Variants in GLDC observed in about 807,000 individuals in gnomAD.
GLDC encodes the protein glycine decarboxylase, also known as glycine dehydrogenase (decarboxylating), mitochondrial.
In GLDC, 104 loss-of-function variants were observed where a neutral mutation model predicts 121.3. The observed-to-expected ratio is 0.86, with a 90% CI of 0.73 to 1.01. The LOEUF (loss-of-function observed/expected upper bound fraction) is 1.01, where lower values mean the gene tolerates loss of function less well. GLDC is among the 50% of genes least tolerant of loss of function. The pLI, the probability that GLDC is intolerant of heterozygous loss-of-function variation, is 0.00. For missense variants in GLDC, 1,429 were observed against 1,306.6 expected, an observed-to-expected ratio of 1.09 and a Z score of -1.44; for synonymous variants, 546 against 480.6, an observed-to-expected ratio of 1.14 and a Z score of -1.78.
At chr9:6,564,220 C>T (rs1817811575) in intron 16 of GLDC, among the ~76,000 whole-genome samples, 2 of 151,370 alleles carry the variant, frequency 1.3e-5, no homozygotes, top group South Asian at 4.2e-4. Flanking sequence ...TGCACTCCAG[C>T]CTGGGGAACA....
chr9:6,613,611 G>C (rs1818905831), intron 3 of GLDC, among the ~76,000 whole-genome samples: 1 of 152,062 alleles, frequency 6.6e-6, no homozygotes, highest in Non-Finnish European at 1.5e-5. Context: ...AATTATTTAA[G>C]TTATAATTTC....
At chr9:6,566,262 A>G (rs1817852723) in intron 15 of GLDC, among the ~76,000 whole-genome samples, 1 of 152,118 alleles carries the variant, frequency 6.6e-6, no homozygotes, top group South Asian at 2.1e-4. Flanking sequence ...ATAAATAACT[A>G]CAAACACAAT....
chr9:6,597,405 T>C (rs1375931821), intron 8 of GLDC, among the ~76,000 whole-genome samples: 1 of 152,122 alleles, frequency 6.6e-6, no homozygotes, highest in East Asian at 1.9e-4. Context: ...GCTAATAAAG[T>C]GTAAATTATT....
At chr9:6,568,167 A>G (rs1432118154) in intron 15 of GLDC, among the ~76,000 whole-genome samples, 2 of 152,208 alleles carry the variant, frequency 1.3e-5, no homozygotes, top group Non-Finnish European at 2.9e-5. Context: ...TATATGCTAA[A>G]GACTTGATCA....
chr9:6,542,666 G>A (rs1374882112), intron 21 of GLDC, among the ~76,000 whole-genome samples: 3 of 151,910 alleles, frequency 2.0e-5, no homozygotes, highest in Admixed American at 1.3e-4. Context: ...CAGGAAGATC[G>A]CTTGAGCCCA....
intron 2 of GLDC, among the ~76,000 whole-genome samples, chr9:6,620,933 T>G (rs1419721989): frequency 6.6e-6 from 1 of 152,174 alleles, no homozygotes; most frequent in African/African-American, 2.4e-5. Context: ...TTTGAGAGGC[T>G]GAGGTGGGCG....
intron 19 of GLDC, 22 bp from the exon 20 acceptor site, chr9:6,553,531 A>G (rs2129715416): frequency 6.2e-7 from 1 of 1,612,278 alleles, no homozygotes; most frequent in Non-Finnish European, 8.5e-7. Context: ...TTAAGTGCAA[A>G]TTCAGAAAAT....
At chr9:6,619,097 C>T (rs771180646) in intron 3 of GLDC, among the ~76,000 whole-genome samples, 7 of 132,392 alleles carry the variant, frequency 5.3e-5, no homozygotes, top group Non-Finnish European at 9.3e-5. Flanking sequence ...GAGCCAAGAT[C>T]ATCCCACTGC....
chr9:6,598,427 C>G (rs1464187394), intron 8 of GLDC, among the ~76,000 whole-genome samples: 1 of 152,182 alleles, frequency 6.6e-6, no homozygotes, highest in East Asian at 1.9e-4. Context: ...CATTAACACA[C>G]TTTCAGAGAT....
At chr9:6,609,330 C>T (rs1197006058) in intron 4 of GLDC, among the ~76,000 whole-genome samples, 2 of 152,136 alleles carry the variant, frequency 1.3e-5, no homozygotes, top group African/African-American at 4.8e-5. Flanking sequence ...CGGAAATAAA[C>T]TATATGTGTA....
At chr9:6,607,745 G>A (rs796850260) in intron 4 of GLDC, among the ~76,000 whole-genome samples, 8 of 151,938 alleles carry the variant, frequency 5.3e-5, no homozygotes, top group Non-Finnish European at 8.8e-5. Flanking sequence ...CAAGGTTCAA[G>A]TGCTCCTTCC....
intron 2 of GLDC, among the ~76,000 whole-genome samples, chr9:6,637,138 G>C (rs1819520782): frequency 6.6e-6 from 1 of 151,398 alleles, no homozygotes. Flanking sequence ...TGTAATGCCA[G>C]CACTTTGGAA....
At position 6,643,433 on chromosome 9, in the gene GLDC, C is replaced by G. The variant is rs371017952; in HGVS notation, c.334+1181G>C. ...TTGCCATCTGCACACTAGATCCTTT[C>G]TATCATAGCAACAAAATAAAACAGC... is the stretch of plus-strand genomic sequence containing the variant. On this transcript the variant is annotated intron_variant, in intron 2 of 24. Coordinates refer to ENST00000321612, the MANE Select transcript of GLDC (RefSeq NM_000170.3). Among the ~76,000 whole-genome samples, 13 of 150,398 alleles carry G rather than the reference C, an allele frequency of 8.6e-5. No individual in the cohort carries two copies. In the East Asian group the frequency reaches 1.8e-3, roughly 20 times the overall value.
intron 9 of GLDC, among the ~76,000 whole-genome samples, chr9:6,593,268 G>GATATCTATATATAT (rs1818414113): frequency 6.9e-6 from 1 of 143,918 alleles, no homozygotes; most frequent in African/African-American, 2.6e-5. Context: ...GGTAGTATCA[G>GATATCTATATATAT]ATATATATAT....
intron 15 of GLDC, among the ~76,000 whole-genome samples, chr9:6,585,807 T>A (rs1258427003): frequency 1.3e-5 from 2 of 152,266 alleles, no homozygotes; most frequent in Middle Eastern, 6.8e-3. Context: ...ACCGATAACA[T>A]GATTCCTGCC....
intron 18 of GLDC, among the ~76,000 whole-genome samples, chr9:6,555,089 AG>A (rs1817594883): frequency 6.6e-6 from 1 of 152,230 alleles, no homozygotes; most frequent in Non-Finnish European, 1.5e-5. Context: ...AAGGGAGAGA[AG>A]TGTCTCTAAC....
intron 15 of GLDC, 149 bp from the exon 16 acceptor site, chr9:6,565,578 G>C: frequency 1.4e-6 from 1 of 724,656 alleles, no homozygotes; most frequent in East Asian, 2.7e-5. Context: ...AAGGAGCTCT[G>C]CTGGAGTCAA....
chr9:6,553,425 G>A lies in GLDC; in HGVS notation c.2400C>T (p.Val800=). Residue 800 remains valine (V), a synonymous_variant, in exon 20 of 25, where the codon GTC becomes GTT. Coordinates refer to ENST00000321612, the MANE Select transcript of GLDC (RefSeq NM_000170.3). ...RNEDACPVGT[V]SAAPWGSSSI... Reference sequence around the variant, plus strand: ...AACTGGAGCCCCATGGGGCCGCACTGACGGTTCCCACAGGACAGGCATCCT... The same window carrying A: ...AACTGGAGCCCCATGGGGCCGCACTAACGGTTCCCACAGGACAGGCATCCT... 6.2e-7 allele frequency: 1 copy of A among 1,613,830 alleles called. No homozygotes were observed. Among genetic ancestry groups the A allele is most frequent in the South Asian group, 1.1e-5 (1 of 91,082 alleles).
chr9:6,611,511 A>C (rs766229070), intron 3 of GLDC, among the ~76,000 whole-genome samples: 10 of 151,376 alleles, frequency 6.6e-5, no homozygotes, highest in African/African-American at 2.4e-4. Flanking sequence ...AGCTGAGATC[A>C]CGCCACTGTA....
Sources: gnomAD v4.1 joint callset for allele counts (sites outside exome capture counted in the v4.1 genomes callset) on GRCh38, gnomAD v4.1.1 for gene constraint, MANE v1.5 for transcripts, NCBI Gene and HGNC (gene_info 2026-07-23, HGNC 2026-07-21) for gene names.